The following LAMA2 variants were observed in gnomAD, a reference collection of about 807,000 sequenced individuals.
LAMA2 encodes laminin subunit alpha-2.
A neutral mutation model predicts 364.8 loss-of-function variants in LAMA2; 269 were observed. The observed-to-expected ratio is 0.74, with a 90% CI of 0.67 to 0.82. The LOEUF (loss-of-function observed/expected upper bound fraction) is 0.82, where lower values mean the gene tolerates loss of function less well. LAMA2 is among the 40% of genes least tolerant of loss of function. LAMA2 has a pLI of 0.00. For missense variants in LAMA2, 3,807 were observed against 3,873.2 expected (o/e 0.98, Z 0.45); for synonymous variants, 1,379 against 1,370.6 (o/e 1.01, Z -0.14).
intron 55 of LAMA2, among the ~76,000 whole-genome samples, chr6:129,482,877 A>G (rs1419592658): frequency 2.0e-5 from 3 of 152,060 alleles, no homozygotes; most frequent in African/African-American, 7.2e-5. Context: ...TGGCCAACAT[A>G]GTGAAATCCT....
At chr6:129,123,178 C>T (rs1290256964) in intron 4 of LAMA2, among the ~76,000 whole-genome samples, 6 of 151,498 alleles carry the variant, frequency 4.0e-5, no homozygotes, top group Admixed American at 2.0e-4. Context: ...TAGTGGTGCA[C>T]GTCTGTAATC....
chr6:129,395,445 G>A lies in LAMA2; in HGVS notation c.5445+2190G>A, dbSNP rs117180728. ...GAGCCCCCTTAGAGCAGCAGCCTCA[G>A]CGTAACCTAGCAACTTGTCAAAAAG... On this transcript the variant is annotated intron_variant, in intron 37 of 64. Transcript: ENST00000421865. Among the ~76,000 whole-genome samples, 56 of 152,254 alleles carry A rather than the reference G, an allele frequency of 3.7e-4. 2 individuals are homozygous for A. The East Asian group carries it at 0.011, about 29-fold the overall frequency.
chr6:129,004,855 C>T (rs530167499), intron 1 of LAMA2, among the ~76,000 whole-genome samples: 1 of 152,030 alleles, frequency 6.6e-6, no homozygotes, highest in South Asian at 2.1e-4. Context: ...GCACTTAACA[C>T]CTTTTTCATA....
intron 12 of LAMA2, among the ~76,000 whole-genome samples, chr6:129,206,059 A>AGGGAC: frequency 7.5e-6 from 1 of 133,558 alleles, no homozygotes; most frequent in East Asian, 2.5e-4. Context: ...AAGGAAGGGA[A>AGGGAC]GGGAAGGGAA....
At chr6:128,996,496 AT>A (rs1392361144) in intron 1 of LAMA2, among the ~76,000 whole-genome samples, 2 of 152,188 alleles carry the variant, frequency 1.3e-5, no homozygotes, top group African/African-American at 4.8e-5. Context: ...AAAAGAAGAC[AT>A]TTATGTGGCC....
At chr6:129,009,066 G>T (rs1582864050) in intron 1 of LAMA2, among the ~76,000 whole-genome samples, 1 of 152,130 alleles carries the variant, frequency 6.6e-6, no homozygotes, top group East Asian at 1.9e-4. Context: ...TCTCAAGTAA[G>T]TATGATGAAT....
At chr6:129,481,204 A>G (rs768758285) in intron 54 of LAMA2, 59 bp from the exon 55 acceptor site, 6 of 1,345,124 alleles carry the variant, frequency 4.5e-6, no homozygotes, top group Non-Finnish European at 6.4e-6. Flanking sequence ...AGTGAGATGG[A>G]GAACTTATTT....
chr6:129,284,010 T>C (rs1474480553), intron 18 of LAMA2, among the ~76,000 whole-genome samples: 9 of 152,156 alleles, frequency 5.9e-5, no homozygotes, highest in Admixed American at 1.3e-4. Context: ...GATTGAGGGC[T>C]TGAATCCAGT....
chr6:129,183,966 C>A (rs1489879207), intron 10 of LAMA2, among the ~76,000 whole-genome samples: 3 of 151,848 alleles, frequency 2.0e-5, no homozygotes, highest in Non-Finnish European at 2.9e-5. Flanking sequence ...CTTTCCGATT[C>A]TGTTTTATAA....
intron 12 of LAMA2, among the ~76,000 whole-genome samples, chr6:129,199,307 A>G (rs1349360229): frequency 6.6e-6 from 1 of 152,226 alleles, no homozygotes; most frequent in Non-Finnish European, 1.5e-5. Context: ...AACATTCTTC[A>G]TGTCTGAAAA....
At chr6:129,394,359 A>G (rs1194736209) in intron 37 of LAMA2, among the ~76,000 whole-genome samples, 2 of 152,264 alleles carry the variant, frequency 1.3e-5, no homozygotes, top group African/African-American at 4.8e-5. Context: ...GAATACAATC[A>G]ACCAGGATTT....
At chr6:128,908,931 T>C (rs1252946823) in intron 1 of LAMA2, among the ~76,000 whole-genome samples, 1 of 147,712 alleles carries the variant, frequency 6.8e-6, no homozygotes, top group Non-Finnish European at 1.5e-5. Flanking sequence ...TCAGTTTCCA[T>C]GTAGTTGAGC....
At chr6:129,208,372 A>T (rs1412786435) in intron 12 of LAMA2, among the ~76,000 whole-genome samples, 1 of 152,118 alleles carries the variant, frequency 6.6e-6, no homozygotes, top group African/African-American at 2.4e-5. Flanking sequence ...ATTTGGTATT[A>T]GCTATTATTA....
At chr6:129,281,614 C>T (rs1016467101) in intron 18 of LAMA2, among the ~76,000 whole-genome samples, 4 of 152,122 alleles carry the variant, frequency 2.6e-5, no homozygotes, top group African/African-American at 9.7e-5. Context: ...CAGCACCTCA[C>T]ATCTTTCTTT....
intron 4 of LAMA2, among the ~76,000 whole-genome samples, chr6:129,101,970 G>T (rs1431968829): frequency 6.6e-6 from 1 of 151,760 alleles, no homozygotes; most frequent in Non-Finnish European, 1.5e-5. Flanking sequence ...TTGTCTTTCT[G>T]TATCTTCATT....
intron 1 of LAMA2, among the ~76,000 whole-genome samples, chr6:128,914,827 C>G (rs149246382): frequency 2.0e-5 from 3 of 152,172 alleles, no homozygotes; most frequent in African/African-American, 7.2e-5. Flanking sequence ...TCATTATTAT[C>G]AAATTGAAAT....
intron 1 of LAMA2, among the ~76,000 whole-genome samples, chr6:128,908,864 T>A (rs1777686041): frequency 1.3e-5 from 2 of 148,338 alleles, no homozygotes; most frequent in Non-Finnish European, 3.0e-5. Context: ...TCAAAGAACA[T>A]CTTTATTTCT....
chr6:129,238,014 A>T (rs1390097161), intron 12 of LAMA2, among the ~76,000 whole-genome samples: 7 of 151,376 alleles, frequency 4.6e-5, no homozygotes, highest in African/African-American at 1.7e-4. Context: ...AAAAAAAAAA[A>T]AAAAGCCAGG....
At chr6:129,386,567 G>A (rs1469301628) in intron 35 of LAMA2, among the ~76,000 whole-genome samples, 2 of 151,986 alleles carry the variant, frequency 1.3e-5, no homozygotes, top group African/African-American at 4.8e-5. Context: ...AATTAAACTA[G>A]ACAGTTCACC....
Sources: allele counts gnomAD v4.1 joint callset (sites outside exome capture counted in the v4.1 genomes callset), GRCh38; gene constraint gnomAD v4.1.1; transcripts MANE v1.5; gene names NCBI Gene and HGNC (gene_info 2026-07-23, HGNC 2026-07-21).